The following RABGEF1 variants were observed in gnomAD, a reference collection of about 807,000 sequenced individuals.
The protein encoded by RABGEF1 is rab5 GDP/GTP exchange factor.
Under a neutral mutation model 57.3 loss-of-function variants are expected in RABGEF1, and 26 were observed. The observed-to-expected ratio is 0.45, with a 90% CI of 0.33 to 0.63. The LOEUF (loss-of-function observed/expected upper bound fraction) is 0.63. Among genes scored for constraint, RABGEF1 ranks in the 20% least tolerant of loss-of-function variants. The probability of loss-of-function intolerance (pLI) is 0.02; values close to 1 mark genes in which losing one functional copy is unlikely to be tolerated. For missense variants in RABGEF1, 464 were observed against 607.6 expected (o/e 0.76, Z 2.48); for synonymous variants, 185 against 210.7 (o/e 0.88, Z 1.06).
At chr7:66,657,003 A>G in the RABGEF1 span, among the ~76,000 whole-genome samples, 2 of 152,190 alleles carry the variant, frequency 1.3e-5, no homozygotes, top group Non-Finnish European at 2.9e-5. Context: ...GCATCAAAAC[A>G]TATGAAGTAA....
intron 2 of RABGEF1, among the ~76,000 whole-genome samples, chr7:66,732,278 G>A (rs1468438224): frequency 6.6e-6 from 1 of 152,204 alleles, no homozygotes; most frequent in Non-Finnish European, 1.5e-5. Flanking sequence ...GTCTGGACAC[G>A]GAGCCTCATT....
intron 2 of RABGEF1, among the ~76,000 whole-genome samples, chr7:66,727,113 G>A (rs1796672290): frequency 6.6e-6 from 1 of 152,226 alleles, no homozygotes; most frequent in African/African-American, 2.4e-5. Flanking sequence ...ATTGTATGGT[G>A]TGTGAATTTT....
chr7:66,704,989 G>A (rs1423144619), intron 1 of RABGEF1, among the ~76,000 whole-genome samples: 4 of 152,196 alleles, frequency 2.6e-5, no homozygotes, highest in South Asian at 2.1e-4. Flanking sequence ...CAATAGATGA[G>A]GATTCTTGTA....
At chr7:66,685,312 C>G (rs143346284) in intron 1 of RABGEF1, among the ~76,000 whole-genome samples, 1 of 152,020 alleles carries the variant, frequency 6.6e-6, no homozygotes, top group Non-Finnish European at 1.5e-5. Flanking sequence ...CGCCACCATG[C>G]CCAGCTAATT....
intron 1 of RABGEF1, chr7:66,756,004 G>T (rs1233292563): frequency 1.4e-6 from 2 of 1,415,468 alleles, no homozygotes; most frequent in East Asian, 5.2e-5. Flanking sequence ...TATGAAAGTT[G>T]GTGAACCTTG....
At chr7:66,736,987 C>A (rs1208683984), upstream of RABGEF1, among the ~76,000 whole-genome samples, 1 of 151,808 alleles carries the variant, frequency 6.6e-6, no homozygotes, top group Non-Finnish European at 1.5e-5. Flanking sequence ...TGCTGATGCA[C>A]TGGGGCTTCC....
chr7:66,762,464 G>T (rs1435685245), intron 1 of RABGEF1, among the ~76,000 whole-genome samples: 1 of 152,080 alleles, frequency 6.6e-6, no homozygotes, highest in Non-Finnish European at 1.5e-5. Context: ...GGTGCCACAT[G>T]CTATAGTCCC....
At chr7:66,802,659 C>G (rs1194828938) in intron 7 of RABGEF1, among the ~76,000 whole-genome samples, 1 of 152,146 alleles carries the variant, frequency 6.6e-6, no homozygotes, top group Non-Finnish European at 1.5e-5. Context: ...CCAAAGAGTT[C>G]CACGAAGAAT....
At chr7:66,772,219 CTT>C (rs1807322962) in intron 2 of RABGEF1, 141 bp downstream of exon 2, 1 of 586,330 alleles carries the variant, frequency 1.7e-6, no homozygotes, top group Non-Finnish European at 2.6e-6. Flanking sequence ...GTTTTCCTCT[CTT>C]CTTCTCAGTC....
the RABGEF1 span, among the ~76,000 whole-genome samples, chr7:66,663,422 A>G: frequency 4.4e-3 from 671 of 152,152 alleles, 10 homozygotes; most frequent in African/African-American, 0.015. Flanking sequence ...TACTGAAAAT[A>G]CCATAATTGG....
chr7:66,693,811 CTTTTTTT>C (rs534419507), intron 1 of RABGEF1, among the ~76,000 whole-genome samples: 7 of 141,872 alleles, frequency 4.9e-5, no homozygotes, highest in African/African-American at 1.8e-4. Flanking sequence ...CCTTTTTTTT[CTTTTTTT>C]TTTTTTTGAG....
intron 1 of RABGEF1, among the ~76,000 whole-genome samples, chr7:66,761,780 G>T (rs1804433306): frequency 6.6e-6 from 1 of 152,090 alleles, no homozygotes; most frequent in African/African-American, 2.4e-5. Flanking sequence ...GGGTGGGCGT[G>T]GTGTCTCATG....
At chr7:66,709,684 A>G (rs1794554564) in intron 1 of RABGEF1, among the ~76,000 whole-genome samples, 1 of 152,200 alleles carries the variant, frequency 6.6e-6, no homozygotes, top group South Asian at 2.1e-4. Context: ...CTGAGGCAGG[A>G]GAATCGCTTG....
intron 1 of RABGEF1, among the ~76,000 whole-genome samples, chr7:66,682,474 G>T (rs373196335): frequency 2.0e-5 from 3 of 152,198 alleles, no homozygotes; most frequent in African/African-American, 7.2e-5. Context: ...CGGCCTCTCC[G>T]TCCAACGTGC....
intron 2 of RABGEF1, among the ~76,000 whole-genome samples, chr7:66,716,662 A>C (rs1021048728): frequency 2.3e-4 from 35 of 152,050 alleles, no homozygotes; most frequent in African/African-American, 8.4e-4. Context: ...TCTTTTTTTA[A>C]AAAAAACTCT....
At chr7:66,780,020 ATCC>A (rs1809508986) in intron 3 of RABGEF1, among the ~76,000 whole-genome samples, 1 of 152,214 alleles carries the variant, frequency 6.6e-6, no homozygotes, top group East Asian at 1.9e-4. Context: ...AGTAGAGTTA[ATCC>A]TCATTTACAT....
In RABGEF1 at chr7:66,773,967, G is replaced by A. The variant is rs1807881511; in HGVS notation, c.180-1260G>A. The A allele has an allele frequency of 8.1e-6, 3 of 368,156 alleles. No homozygotes were observed. In the Admixed American group the frequency reaches 1.1e-4, roughly 13 times the overall value. The allele number at this position is 368,156 out of a possible 1,614,324, so 22.8% of individuals were successfully genotyped here. A position where few individuals can be genotyped will look rare whatever the true frequency, so the allele number is the denominator to read the frequency against. Reference sequence around the variant, plus strand: ...AGGCGTGAGCCACTGCACCTGGCCTGTGTTTGGGAATTAATACAGGTGGTT... The same window carrying A: ...AGGCGTGAGCCACTGCACCTGGCCTATGTTTGGGAATTAATACAGGTGGTT... On this transcript the variant is annotated intron_variant, in intron 2 of 8. Transcript: ENST00000284957.
At chr7:66,744,669 A>G (rs1263086534) in intron 1 of RABGEF1, among the ~76,000 whole-genome samples, 1 of 118,664 alleles carries the variant, frequency 8.4e-6, no homozygotes, top group South Asian at 2.7e-4. Context: ...CTCCGTCTCA[A>G]AAAAAAAAAA....
chr7:66,797,783 T>G (rs1562874813), intron 6 of RABGEF1, among the ~76,000 whole-genome samples: 1 of 152,218 alleles, frequency 6.6e-6, no homozygotes, highest in Non-Finnish European at 1.5e-5. Flanking sequence ...GGGACTGTGT[T>G]CTTGGTCCAT....
Sources: gnomAD v4.1 joint callset for allele counts (sites outside exome capture counted in the v4.1 genomes callset) on GRCh38, gnomAD v4.1.1 for gene constraint, MANE v1.5 for transcripts, NCBI Gene and HGNC (gene_info 2026-07-23, HGNC 2026-07-21) for gene names.